The following EGFR variants were observed in gnomAD, a reference collection of about 807,000 sequenced individuals.
EGFR encodes epidermal growth factor receptor, also known as avian erythroblastic leukemia viral (v-erb-b) oncogene homolog.
Under a neutral mutation model 143.0 loss-of-function variants are expected in EGFR, and 58 were observed. That is an observed-to-expected ratio of 0.41 (90% CI 0.33 to 0.50). The LOEUF (loss-of-function observed/expected upper bound fraction) is 0.50, where lower values mean the gene tolerates loss of function less well. EGFR is among the 20% of genes least tolerant of loss of function. The probability of loss-of-function intolerance (pLI) is 0.39; values close to 1 mark genes in which losing one functional copy is unlikely to be tolerated. For missense variants in EGFR, 1,307 were observed against 1,579.0 expected (o/e 0.83, Z 2.92); for synonymous variants, 613 against 594.4 (o/e 1.03, Z -0.45).
chr7:55,027,323 G>C (rs1420643025), intron 1 of EGFR, among the ~76,000 whole-genome samples: 1 of 152,144 alleles, frequency 6.6e-6, no homozygotes, highest in African/African-American at 2.4e-5. Context: ...ATGCTTAGCT[G>C]GGCCTCCAGG....
chr7:55,154,299 GCA>G, intron 7 of EGFR, 147 bp downstream of exon 7: 1 of 1,302,426 alleles, frequency 7.7e-7, no homozygotes, highest in Non-Finnish European at 1.1e-6. Context: ...GCCCGTCCAG[GCA>G]CACAGGCGAG....
Position 55,206,499 on chromosome 7 carries a change from G to A in EGFR, c.*882G>A, listed in dbSNP as rs1788110202. The A allele has an allele frequency of 4.3e-6, 1 of 233,168 alleles. No homozygotes were observed. Among genetic ancestry groups the A allele is most frequent in the Non-Finnish European group, 8.5e-6 (1 of 118,088 alleles). 14.4% of individuals were successfully genotyped at this position (233,168 alleles called of 1,614,324 possible). On this transcript the variant is annotated 3_prime_UTR_variant, in exon 28 of 28. Transcript: ENST00000275493. ...TCAGCATTTGGACCAATAGCCCACA[G>A]CTGAGAATGTGGAATACCTAAGGAT...
At chr7:55,045,216 A>G (rs1278152022) in intron 1 of EGFR, among the ~76,000 whole-genome samples, 1 of 152,230 alleles carries the variant, frequency 6.6e-6, no homozygotes, top group African/African-American at 2.4e-5. Context: ...TGACTTCACT[A>G]AGATTTAATA....
chr7:55,085,917 C>T lies in EGFR; in HGVS notation c.89-56369C>T, dbSNP rs1790726136. On this transcript the variant is annotated intron_variant, in intron 1 of 27. Transcript: ENST00000275493. ...GTGCCTCCGTGTTTTGTCTCCTGAG[C>T]ATGCTGCCCCAAGTTTGACAATACC... Among the ~76,000 whole-genome samples the T allele has an allele frequency of 2.0e-5, 3 of 152,312 alleles. No homozygotes were observed. The South Asian group carries it at 6.2e-4, about 32-fold the overall frequency.
chr7:55,044,802 G>A (rs1000585289), intron 1 of EGFR, among the ~76,000 whole-genome samples: 7 of 152,222 alleles, frequency 4.6e-5, no homozygotes, highest in African/African-American at 1.7e-4. Flanking sequence ...TACAACAGGG[G>A]CACAATAAAT....
At chr7:55,027,420 C>T (rs1481492015) in intron 1 of EGFR, among the ~76,000 whole-genome samples, 2 of 152,152 alleles carry the variant, frequency 1.3e-5, no homozygotes, top group African/African-American at 4.8e-5. Flanking sequence ...TAAATGCAAA[C>T]ATCTTATTAA....
At chr7:55,167,783 A>T (rs1330077006) in intron 15 of EGFR, among the ~76,000 whole-genome samples, 1 of 152,196 alleles carries the variant, frequency 6.6e-6, no homozygotes, top group Non-Finnish European at 1.5e-5. Context: ...TTCTAGGAAA[A>T]CAATCATATA....
intron 1 of EGFR, among the ~76,000 whole-genome samples, chr7:55,087,289 A>AAAAAC (rs1554327592): frequency 1.3e-4 from 20 of 151,664 alleles, no homozygotes; most frequent in African/African-American, 4.8e-4. Context: ...AAAAACAAAA[A>AAAAAC]AAAAAAAACC....
At chr7:55,086,758 G>A (rs1015042760) in intron 1 of EGFR, among the ~76,000 whole-genome samples, 1 of 152,210 alleles carries the variant, frequency 6.6e-6, no homozygotes, top group Non-Finnish European at 1.5e-5. Flanking sequence ...CCATGGGAAA[G>A]ATGTGTGAAG....
intron 1 of EGFR, among the ~76,000 whole-genome samples, chr7:55,061,649 T>TGTGTGAGAGAGAGA (rs1432070752): frequency 8.7e-4 from 115 of 132,812 alleles, no homozygotes; most frequent in South Asian, 7.3e-4. Flanking sequence ...TGTGTGTGTG[T>TGTGTGAGAGAGAGA]GAGAGAGAGA....
intron 1 of EGFR, among the ~76,000 whole-genome samples, chr7:55,037,204 T>C (rs1272384250): frequency 6.6e-6 from 1 of 152,238 alleles, no homozygotes; most frequent in African/African-American, 2.4e-5. Context: ...ATGTTTCATC[T>C]TGGATTTTTA....
intron 1 of EGFR, among the ~76,000 whole-genome samples, chr7:55,112,372 G>T (rs1057182039): frequency 1.3e-5 from 2 of 152,244 alleles, no homozygotes; most frequent in Non-Finnish European, 2.9e-5. Flanking sequence ...ACAGCAGCCA[G>T]GCGACTGAGG....
chr7:55,090,999 CGG>C (rs1791074242), intron 1 of EGFR, among the ~76,000 whole-genome samples: 1 of 152,168 alleles, frequency 6.6e-6, no homozygotes, highest in South Asian at 2.1e-4. Flanking sequence ...AATGTTCCTC[CGG>C]GGGTCAGGCA....
chr7:55,038,641 A>T (rs965873626), intron 1 of EGFR, among the ~76,000 whole-genome samples: 1 of 152,178 alleles, frequency 6.6e-6, no homozygotes, highest in African/African-American at 2.4e-5. Flanking sequence ...AGATTTTTAA[A>T]TTTTTGTTTA....
At chr7:55,132,075 A>G (rs190874833) in intron 1 of EGFR, among the ~76,000 whole-genome samples, 3 of 150,106 alleles carry the variant, frequency 2.0e-5, no homozygotes, top group African/African-American at 7.4e-5. Context: ...CCTAATGTTC[A>G]TGGGTAAACC....
intron 19 of EGFR, among the ~76,000 whole-genome samples, chr7:55,175,083 G>C (rs17290385): frequency 6.6e-6 from 1 of 152,208 alleles, no homozygotes; most frequent in African/African-American, 2.4e-5. Flanking sequence ...TTCTTGACAC[G>C]CATGATGAGT....
At chr7:55,161,321 C>T (rs1487452088) in intron 12 of EGFR, among the ~76,000 whole-genome samples, 178 bp from the exon 13 acceptor site, 3 of 152,382 alleles carry the variant, frequency 2.0e-5, no homozygotes, top group East Asian at 3.9e-4. Flanking sequence ...TTTGTCCTTC[C>T]AGTCACGGTC....
intron 1 of EGFR, among the ~76,000 whole-genome samples, chr7:55,131,944 A>G (rs924524920): frequency 8.6e-5 from 13 of 151,416 alleles, no homozygotes; most frequent in African/African-American, 2.9e-4. Context: ...TTTCAGAAAA[A>G]AAAAAAAAAA....
chr7:55,196,421 G>C (rs1001478995), intron 22 of EGFR, among the ~76,000 whole-genome samples: 23 of 152,040 alleles, frequency 1.5e-4, no homozygotes, highest in Middle Eastern at 3.4e-3. Context: ...CTGGTTATTA[G>C]ACCCTTCTCA....
Sources: gnomAD v4.1 joint callset for allele counts (sites outside exome capture counted in the v4.1 genomes callset) on GRCh38, gnomAD v4.1.1 for gene constraint, MANE v1.5 for transcripts, NCBI Gene and HGNC (gene_info 2026-07-23, HGNC 2026-07-21) for gene names.